BCL2L13: variants seen among roughly 807,000 people sequenced by gnomAD.
BCL2L13 encodes the protein bcl-2-like protein 13.
BCL2L13 carries 13 observed loss-of-function variants against 25.8 expected under a neutral mutation model. The ratio of observed to expected loss-of-function variants is 0.50; its 90% CI spans 0.33 to 0.80. The LOEUF is 0.80. BCL2L13 is among the 30% of genes least tolerant of loss of function. The pLI, the probability that BCL2L13 is intolerant of heterozygous loss-of-function variation, is 0.02. For missense variants in BCL2L13, 504 were observed against 574.9 expected (o/e 0.88, Z 1.26); for synonymous variants, 244 against 230.3 (o/e 1.06, Z -0.54).
chr22:17,678,275 C>T (rs981368770), intron 2 of BCL2L13, among the ~76,000 whole-genome samples: 8 of 152,036 alleles, frequency 5.3e-5, no homozygotes, highest in South Asian at 2.1e-4. Context: ...CCTTCTGCCT[C>T]GGCCTCCCAA....
intron 6 of BCL2L13, among the ~76,000 whole-genome samples, chr22:17,713,493 G>T (rs1388151192): frequency 7.4e-6 from 1 of 134,948 alleles, no homozygotes; most frequent in Non-Finnish European, 1.5e-5. Flanking sequence ...ATGGAGTCTC[G>T]CTCTGTCGCC....
At chr22:17,654,615 G>A (rs1015200488) in intron 1 of BCL2L13, among the ~76,000 whole-genome samples, 4 of 151,242 alleles carry the variant, frequency 2.6e-5, no homozygotes, top group African/African-American at 4.9e-5. Context: ...TAGTAGAGAC[G>A]GGGTTTCACT....
intron 2 of BCL2L13, among the ~76,000 whole-genome samples, chr22:17,661,738 T>C (rs1293176654): frequency 1.4e-5 from 2 of 145,976 alleles, no homozygotes; most frequent in African/African-American, 4.9e-5. Flanking sequence ...ACACCTGTGA[T>C]CCCAGCACTT....
intron 2 of BCL2L13, among the ~76,000 whole-genome samples, chr22:17,671,693 G>C (rs1362442146): frequency 6.6e-6 from 1 of 151,986 alleles, no homozygotes; most frequent in African/African-American, 2.4e-5. Flanking sequence ...GCCTCCCAAA[G>C]TGCCACTCTG....
chr22:17,629,608 A>G (rs2057961843), intron 1 of BCL2L13, among the ~76,000 whole-genome samples: 1 of 152,196 alleles, frequency 6.6e-6, no homozygotes, highest in African/African-American at 2.4e-5. Flanking sequence ...TCTTTAGGAT[A>G]GACTGACTCC....
Position 17,701,027 on chromosome 22 carries a change from T to G in BCL2L13, c.457-1216T>G, listed in dbSNP as rs549371366. ...CATTCCTTTTGCAGGCATATGGACCTCTTGATGTTTTAAACAAAAGAGATT... is the reference window on the plus strand; with the variant it reads ...CATTCCTTTTGCAGGCATATGGACCGCTTGATGTTTTAAACAAAAGAGATT... On this transcript the variant is annotated intron_variant, in intron 5 of 6. Transcript: ENST00000317582. Among the ~76,000 whole-genome samples, 9 of 152,362 alleles carry G rather than the reference T, an allele frequency of 5.9e-5. No individual in the cohort carries two copies. The South Asian group carries it at 1.9e-3, about 32-fold the overall frequency.
At chr22:17,646,030 T>A (rs1186482905) in intron 1 of BCL2L13, among the ~76,000 whole-genome samples, 1 of 151,568 alleles carries the variant, frequency 6.6e-6, no homozygotes, top group East Asian at 1.9e-4. Flanking sequence ...AGTGAGTAGG[T>A]TATATACAAA....
intron 2 of BCL2L13, among the ~76,000 whole-genome samples, chr22:17,671,794 A>G (rs1601600959): frequency 6.6e-6 from 1 of 151,812 alleles, no homozygotes. Context: ...GCTCACTGCA[A>G]CCTCTGCCTT....
intron 5 of BCL2L13, 121 bp downstream of exon 5, chr22:17,696,331 A>G (rs565612838): frequency 3.6e-6 from 3 of 837,624 alleles, no homozygotes; most frequent in Admixed American, 2.2e-5. Flanking sequence ...GCACAAATCT[A>G]TGTTAAGGGG....
chr22:17,702,176 T>C, intron 5 of BCL2L13, 67 bp from the exon 6 acceptor site: 1 of 1,240,188 alleles, frequency 8.1e-7, no homozygotes, highest in East Asian at 2.6e-5. Flanking sequence ...TTTCTAGTAG[T>C]TGAACATATA....
At chr22:17,641,844 G>T (rs1466412595) in intron 1 of BCL2L13, among the ~76,000 whole-genome samples, 3 of 147,942 alleles carry the variant, frequency 2.0e-5, no homozygotes, top group Non-Finnish European at 4.4e-5. Context: ...CTGTCGCCCA[G>T]GCTGGAGTGC....
chr22:17,647,965 TA>T (rs1417655827), intron 1 of BCL2L13, among the ~76,000 whole-genome samples: 3 of 151,820 alleles, frequency 2.0e-5, no homozygotes, highest in African/African-American at 7.3e-5. Flanking sequence ...CCGTCTCTAC[TA>T]AAAAATACAA....
intron 4 of BCL2L13, among the ~76,000 whole-genome samples, chr22:17,691,678 T>C (rs553876479): frequency 6.6e-6 from 1 of 152,172 alleles, no homozygotes; most frequent in Admixed American, 6.6e-5. Flanking sequence ...TTTTCCAAAT[T>C]TGATACAGAC....
chr22:17,653,921 G>A (rs1478939637), intron 1 of BCL2L13, among the ~76,000 whole-genome samples: 6 of 147,778 alleles, frequency 4.1e-5, no homozygotes, highest in African/African-American at 1.6e-4. Context: ...AAATTTTGCC[G>A]ACATTGCCTC....
intron 1 of BCL2L13, 109 bp from the exon 2 acceptor site, chr22:17,655,553 G>A (rs1034229203): frequency 2.4e-6 from 2 of 836,746 alleles, no homozygotes; most frequent in African/African-American, 3.5e-5. Flanking sequence ...TGAGCGACAA[G>A]AGCAAGACTC....
At chr22:17,668,456 T>G (rs1161092632) in intron 2 of BCL2L13, among the ~76,000 whole-genome samples, 1 of 151,876 alleles carries the variant, frequency 6.6e-6, no homozygotes, top group African/African-American at 2.4e-5. Flanking sequence ...ATCTGTGTTT[T>G]TTTTTTTTTC....
At chr22:17,662,922 T>A (rs1343960507) in intron 2 of BCL2L13, among the ~76,000 whole-genome samples, 1 of 152,146 alleles carries the variant, frequency 6.6e-6, no homozygotes, top group East Asian at 1.9e-4. Context: ...CCCAGGCTGG[T>A]GTGCAGTGTT....
In BCL2L13 at chr22:17,680,530, AAAAAAAAAAAAG is replaced by A. The variant is rs1395087965; in HGVS notation, c.122-2676_122-2665del. Among the ~76,000 whole-genome samples the A allele has an allele frequency of 3.6e-4, 29 of 79,844 alleles. 2 individuals are homozygous for A. Among genetic ancestry groups the A allele is most frequent in the African/African-American group, 9.6e-4 (21 of 21,886 alleles). 52.4% of individuals were successfully genotyped at this position (79,844 alleles called of 152,430 possible). On this transcript the variant is annotated intron_variant, in intron 2 of 6. Coordinates refer to ENST00000317582, the MANE Select transcript of BCL2L13 (RefSeq NM_015367.4). ...CTGTCTCAAAAAAAAAAAAAAAAAAAAAAAAAAAAAAGAAAAAAAGACTCATACCTAGAAAGG... is the reference window on the plus strand; with the variant it reads ...CTGTCTCAAAAAAAAAAAAAAAAAAAAAAAAAAGACTCATACCTAGAAAGG...
chr22:17,652,238 A>T (rs940199122), intron 1 of BCL2L13, among the ~76,000 whole-genome samples: 2 of 151,850 alleles, frequency 1.3e-5, no homozygotes, highest in African/African-American at 4.8e-5. Context: ...GGATTTCGCC[A>T]TGTTGCCCAG....
Sources: gnomAD v4.1 joint callset for allele counts (sites outside exome capture counted in the v4.1 genomes callset) on GRCh38, gnomAD v4.1.1 for gene constraint, MANE v1.5 for transcripts, NCBI Gene and HGNC (gene_info 2026-07-23, HGNC 2026-07-21) for gene names.